The following FRAS1 variants were observed in gnomAD, a reference collection of about 807,000 sequenced individuals.
FRAS1 encodes extracellular matrix organizing protein FRAS1.
FRAS1 carries 290 observed loss-of-function variants against 435.2 expected under a neutral mutation model. The observed-to-expected ratio is 0.67, with a 90% confidence interval of 0.61 to 0.73. FRAS1 has a LOEUF of 0.73. Ranked by LOEUF, FRAS1 falls within the 30% of genes least tolerant of loss-of-function variation. The pLI is 0.00. For missense variants in FRAS1, 4,860 were observed against 5,001.5 expected (o/e 0.97, Z 0.85); for synonymous variants, 1,800 against 1,851.0 (o/e 0.97, Z 0.71).
intron 14 of FRAS1, among the ~76,000 whole-genome samples, chr4:78,293,243 G>C (rs984574577): frequency 3.9e-5 from 6 of 152,144 alleles, no homozygotes; most frequent in Non-Finnish European, 8.8e-5. Context: ...AATATGATAG[G>C]AAATGATCAG....
intron 18 of FRAS1, among the ~76,000 whole-genome samples, chr4:78,331,635 G>T (rs926007262): frequency 2.0e-5 from 3 of 152,202 alleles, no homozygotes; most frequent in Admixed American, 2.0e-4. Context: ...TTCCAAGCCA[G>T]CTGAGGCACA....
chr4:78,226,665 G>C (rs1724288142), intron 2 of FRAS1, among the ~76,000 whole-genome samples: 1 of 151,504 alleles, frequency 6.6e-6, no homozygotes. Context: ...CTTAGGTGTT[G>C]TTTTCTTTAT....
intron 51 of FRAS1, 107 bp downstream of exon 51, chr4:78,470,198 C>T (rs1353172331): frequency 2.9e-5 from 20 of 684,112 alleles, no homozygotes; most frequent in Non-Finnish European, 4.5e-5. Context: ...CTGTTTATCC[C>T]TCCCTAAATA....
At chr4:78,268,299 T>G (rs1726476580) in intron 9 of FRAS1, among the ~76,000 whole-genome samples, 1 of 152,192 alleles carries the variant, frequency 6.6e-6, no homozygotes, top group Non-Finnish European at 1.5e-5. Context: ...GGAACAACCT[T>G]TCAGACATGG....
intron 5 of FRAS1, among the ~76,000 whole-genome samples, chr4:78,253,124 A>G (rs1382235511): frequency 6.6e-6 from 1 of 152,142 alleles, no homozygotes; most frequent in Non-Finnish European, 1.5e-5. Flanking sequence ...CCAGGAATGC[A>G]TTCCTTCCTC....
intron 14 of FRAS1, among the ~76,000 whole-genome samples, chr4:78,288,135 T>C (rs1727698714): frequency 6.6e-6 from 1 of 152,204 alleles, no homozygotes; most frequent in Non-Finnish European, 1.5e-5. Context: ...GTTTATAGCT[T>C]ATCATGTTCA....
chr4:78,248,169 T>C (rs1450729330), intron 4 of FRAS1, among the ~76,000 whole-genome samples: 1 of 152,176 alleles, frequency 6.6e-6, no homozygotes, highest in Admixed American at 6.5e-5. Context: ...TCCAGGTTAT[T>C]TGAGAGTGTT....
At chr4:78,372,917 A>C in intron 24 of FRAS1, 59 bp downstream of exon 24, 1 of 1,549,720 alleles carries the variant, frequency 6.5e-7, no homozygotes, top group Non-Finnish European at 8.7e-7. Flanking sequence ...TCTGATTTGT[A>C]CTGTTCTCAG....
intron 22 of FRAS1, among the ~76,000 whole-genome samples, chr4:78,369,160 A>C (rs1409161364): frequency 6.6e-6 from 1 of 152,214 alleles, no homozygotes; most frequent in Non-Finnish European, 1.5e-5. Context: ...AGTTTGAATA[A>C]ATAGGATCCA....
At chr4:78,465,708 G>T (rs1285430477) in intron 49 of FRAS1, among the ~76,000 whole-genome samples, 1 of 75,806 alleles carries the variant, frequency 1.3e-5, no homozygotes, top group Non-Finnish European at 3.8e-5. Context: ...GCTGGCCCTG[G>T]TTAGGCCTTG....
chr4:78,225,765 C>T (rs1277365119), intron 2 of FRAS1, among the ~76,000 whole-genome samples: 1 of 152,128 alleles, frequency 6.6e-6, no homozygotes, highest in African/African-American at 2.4e-5. Flanking sequence ...TATATAAATA[C>T]ACATATTGGG....
In FRAS1 at chr4:78,374,114, G is replaced by A; in HGVS notation, c.3014G>A (p.Cys1005Tyr). ...TGACTTGACTTTTGTCTTTCAGACTGTGACAGCTACTGTCTCCAGTGCCAA... is the reference window on the plus strand; with the variant it reads ...TGACTTGACTTTTGTCTTTCAGACTATGACAGCTACTGTCTCCAGTGCCAA... ...FYQDSGLCKN[C>Y]DSYCLQCQGP... The change falls in exon 25 of 74, where the codon TGT (cysteine) becomes TAT (tyrosine). Residue 1005 changes from cysteine to tyrosine, a missense_variant. Cys to Tyr is a radical substitution (Grantham distance 194, BLOSUM62 -2). Transcript: ENST00000512123. 6.3e-7 allele frequency: 1 copy of A among 1,575,048 alleles called. No individual in the cohort carries two copies. Among genetic ancestry groups the A allele is most frequent in the Non-Finnish European group, 8.7e-7 (1 of 1,151,824 alleles).
rs1017398242 is a variant in FRAS1, at chr4:78,542,952, A to C, written c.*1828A>C. The C allele has an allele frequency of 6.6e-6, 1 of 152,204 alleles. No individual in the cohort carries two copies. Among genetic ancestry groups the C allele is most frequent in the African/African-American group, 2.4e-5 (1 of 41,458 alleles). The allele number at this position is 152,204 out of a possible 1,614,324, so 9.4% of individuals were successfully genotyped here. Reference sequence around the variant, plus strand: ...ACTCTGGCGGTGGTCCTAAGGAAGCATGAGCAGAAAATTCATAAAAATGTA... The same window carrying C: ...ACTCTGGCGGTGGTCCTAAGGAAGCCTGAGCAGAAAATTCATAAAAATGTA... On this transcript the variant is annotated 3_prime_UTR_variant, in exon 74 of 74. Transcript: ENST00000512123.
chr4:78,304,550 A>G (rs1398717552), intron 14 of FRAS1, among the ~76,000 whole-genome samples: 1 of 151,816 alleles, frequency 6.6e-6, no homozygotes, highest in Non-Finnish European at 1.5e-5. Context: ...AGCTCCTGTT[A>G]TTGGTCTATT....
At chr4:78,235,594 C>G (rs940603575) in intron 2 of FRAS1, among the ~76,000 whole-genome samples, 1 of 152,148 alleles carries the variant, frequency 6.6e-6, no homozygotes, top group African/African-American at 2.4e-5. Flanking sequence ...AAGGATAGTT[C>G]CCACTTCAGG....
intron 22 of FRAS1, 129 bp from the exon 23 acceptor site, chr4:78,369,709 G>A: frequency 1.6e-6 from 1 of 642,310 alleles, no homozygotes; most frequent in Non-Finnish European, 2.4e-6. Context: ...GGAGGGCTAT[G>A]AGCCATAATG....
chr4:78,540,781 TG>T lies in FRAS1; in HGVS notation c.11697del (p.Ser3900HisfsTer49). 1 of 1,613,908 alleles carries T rather than the reference TG, an allele frequency of 6.2e-7. No individual in the cohort carries two copies. The highest frequency in any genetic ancestry group is 8.5e-7 in the Non-Finnish European group (1 of 1,179,792). Reference sequence around the variant, plus strand: ...CAAGAGTTGGCGGTAGCTGCGTCCCTGTCACAGACTGGGGCGTCCATTGGCA... The same window carrying T: ...CAAGAGTTGGCGGTAGCTGCGTCCCTTCACAGACTGGGGCGTCCATTGGCA... ...EMQELAVAASLSQTGASIGSA... is the reference protein window; with the variant it reads ...EMQELAVAASXSQTGASIGSA... On this transcript the variant is annotated frameshift_variant, in exon 74 of 74. Coordinates refer to ENST00000512123, the MANE Select transcript of FRAS1 (RefSeq NM_025074.7). LOFTEE classifies it high-confidence loss of function.
chr4:78,269,840 T>C (rs1305689030), intron 9 of FRAS1, among the ~76,000 whole-genome samples: 1 of 152,166 alleles, frequency 6.6e-6, no homozygotes, highest in African/African-American at 2.4e-5. Context: ...TAAAATGGAA[T>C]GGGGAAAATT....
chr4:78,174,758 G>A (rs954081416), intron 2 of FRAS1, among the ~76,000 whole-genome samples: 10 of 152,218 alleles, frequency 6.6e-5, no homozygotes, highest in African/African-American at 2.4e-4. Context: ...AAGATGGGAA[G>A]CTGAATTAGG....
Sources: gnomAD v4.1 joint callset for allele counts (sites outside exome capture counted in the v4.1 genomes callset) on GRCh38, gnomAD v4.1.1 for gene constraint, MANE v1.5 for transcripts, NCBI Gene and HGNC (gene_info 2026-07-23, HGNC 2026-07-21) for gene names.